ROBO2: variants seen among roughly 807,000 people sequenced by gnomAD.
ROBO2 encodes the protein roundabout guidance receptor 2, also known as roundabout homolog 2.
In ROBO2, 53 loss-of-function variants were observed where a neutral mutation model predicts 160.8. The observed-to-expected ratio is 0.33, with a 90% CI of 0.26 to 0.41. The LOEUF (loss-of-function observed/expected upper bound fraction) is 0.41. Among genes scored for constraint, ROBO2 ranks in the 10% least tolerant of loss-of-function variants. ROBO2 has a pLI of 1.00. For synonymous variants in ROBO2, 664 were observed against 611.7 expected (o/e 1.09, Z -1.26); for missense variants, 1,577 against 1,722.4 (o/e 0.92, Z 1.49).
intron 2 of ROBO2, among the ~76,000 whole-genome samples, chr3:76,929,457 G>T (rs1047394806): frequency 2.0e-5 from 3 of 152,074 alleles, no homozygotes; most frequent in Admixed American, 6.6e-5. Flanking sequence ...AGTATATCCA[G>T]ACTGCAACAC....
At chr3:77,545,739 C>T (rs2092673192) in intron 6 of ROBO2, among the ~76,000 whole-genome samples, 1 of 152,034 alleles carries the variant, frequency 6.6e-6, no homozygotes, top group Admixed American at 6.6e-5. Context: ...ATTGAGTCAA[C>T]CATTTCAATA....
At position 77,190,281 on chromosome 3, in the gene ROBO2, G is replaced by C. The variant is rs568095555; in HGVS notation, c.388+91941G>C. On this transcript the variant is annotated intron_variant, in intron 2 of 25. Coordinates refer to ENST00000461745, the Ensembl canonical transcript of ROBO2. The stretch of plus-strand genomic sequence containing the variant: ...ATCTCAAAGTTACTAGAAAATTCTA[G>C]CTGTGCTCAGAAAAAGTCTTGTTTT... Among the ~76,000 whole-genome samples the C allele has an allele frequency of 4.6e-5, 7 of 152,020 alleles. No homozygotes were observed. The East Asian group carries it at 1.4e-3, about 29-fold the overall frequency.
At chr3:76,295,952 A>G (rs1254191898) in intron 2 of ROBO2, among the ~76,000 whole-genome samples, 7 of 152,200 alleles carry the variant, frequency 4.6e-5, no homozygotes, top group Admixed American at 1.3e-4. Flanking sequence ...CACATAGTCA[A>G]TAAGTTATTT....
chr3:77,298,697 T>G (rs977993533), intron 2 of ROBO2, among the ~76,000 whole-genome samples: 1 of 152,150 alleles, frequency 6.6e-6, no homozygotes, highest in Non-Finnish European at 1.5e-5. Context: ...CAGAAAACTT[T>G]GGTTGGGCTT....
At chr3:76,693,282 A>T (rs1249919719) in intron 2 of ROBO2, among the ~76,000 whole-genome samples, 2 of 149,790 alleles carry the variant, frequency 1.3e-5, no homozygotes, top group African/African-American at 2.5e-5. Flanking sequence ...CTCTATATAT[A>T]GTGTGTATCT....
intron 2 of ROBO2, among the ~76,000 whole-genome samples, chr3:76,379,704 T>C (rs973181441): frequency 6.6e-6 from 1 of 152,208 alleles, no homozygotes; most frequent in Admixed American, 6.5e-5. Context: ...GTGAACTTTA[T>C]GACAAAACTT....
At chr3:76,961,627 G>A (rs1250709483) in intron 2 of ROBO2, among the ~76,000 whole-genome samples, 1 of 152,116 alleles carries the variant, frequency 6.6e-6, no homozygotes, top group Admixed American at 6.5e-5. Context: ...GCTTCACCAC[G>A]TTCTAGTTAC....
chr3:76,095,466 A>G (rs188918356), intron 2 of ROBO2, among the ~76,000 whole-genome samples: 17 of 152,284 alleles, frequency 1.1e-4, no homozygotes, highest in Non-Finnish European at 1.9e-4. Context: ...ACCAAATAAG[A>G]CAAGCATAGG....
intron 2 of ROBO2, among the ~76,000 whole-genome samples, chr3:76,217,098 T>C (rs1703592155): frequency 6.6e-6 from 1 of 152,146 alleles, no homozygotes; most frequent in Non-Finnish European, 1.5e-5. Flanking sequence ...AATAAAGGTG[T>C]TCTTTGAAAC....
rs73119851 is a variant in ROBO2 at position 76,534,938 on chromosome 3, G to C, written c.110-563076G>C. On this transcript the variant is annotated intron_variant, in intron 2 of 26. Coordinates refer to the ROBO2 transcript ENST00000487694. The stretch of plus-strand genomic sequence containing the variant: ...GAAGGTCATCAACATATTGAGTAAG[G>C]TGGGAGGCAGATGGGCAGAAAGAAA... 1.7e-3 allele frequency among the ~76,000 whole-genome samples: 265 copies of C among 152,098 alleles called. 1 individual carries two copies. Among genetic ancestry groups the C allele is most frequent in the African/African-American group, 6.2e-3 (256 of 41,454 alleles).
rs143591202 is a variant in ROBO2, at chr3:76,573,348, A to G, written c.110-524666A>G. ...TCTCAAAGTGCCCTTTTGAAGTTCA[A>G]TCAGAGCATTATCAAACTAACCCAT... On this transcript the variant is annotated intron_variant, in intron 2 of 26. Coordinates refer to the ROBO2 transcript ENST00000487694. Among the ~76,000 whole-genome samples, 39 of 152,192 alleles carry G rather than the reference A, an allele frequency of 2.6e-4. No homozygotes were observed. In the East Asian group the frequency reaches 6.4e-3, roughly 25 times the overall value.
intron 2 of ROBO2, among the ~76,000 whole-genome samples, chr3:76,782,014 T>C (rs2062676029): frequency 6.6e-6 from 1 of 150,740 alleles, no homozygotes; most frequent in African/African-American, 2.4e-5. Context: ...CTTGGGAGGT[T>C]TTTGATTACG....
chr3:76,051,643 T>C (rs1221015320), intron 2 of ROBO2, among the ~76,000 whole-genome samples: 2 of 152,084 alleles, frequency 1.3e-5, no homozygotes, highest in East Asian at 3.9e-4. Context: ...ACATATTTGC[T>C]ACCACTCTAC....
At chr3:76,038,151 G>T (rs1353334254) in intron 2 of ROBO2, among the ~76,000 whole-genome samples, 1 of 151,926 alleles carries the variant, frequency 6.6e-6, no homozygotes, top group Non-Finnish European at 1.5e-5. Context: ...AGGAAGTAGG[G>T]GAAGATCATG....
chr3:76,052,489 A>ATT (rs140901749), intron 2 of ROBO2, among the ~76,000 whole-genome samples: 5 of 150,204 alleles, frequency 3.3e-5, no homozygotes, highest in African/African-American at 4.9e-5. Flanking sequence ...TGTCCTTGAG[A>ATT]TTTTTTTTTT....
At chr3:76,835,140 G>A (rs2067569452) in intron 2 of ROBO2, among the ~76,000 whole-genome samples, 1 of 151,786 alleles carries the variant, frequency 6.6e-6, no homozygotes, top group South Asian at 2.1e-4. Flanking sequence ...TCCCTTGCTA[G>A]TAAACTGTTC....
intron 2 of ROBO2, among the ~76,000 whole-genome samples, chr3:76,722,294 G>A (rs900909854): frequency 6.6e-6 from 1 of 152,080 alleles, no homozygotes; most frequent in Non-Finnish European, 1.5e-5. Context: ...GCTAATTTTT[G>A]TATTTTTAGT....
intron 2 of ROBO2, among the ~76,000 whole-genome samples, chr3:76,806,868 A>G (rs2064765117): frequency 6.6e-6 from 1 of 151,972 alleles, no homozygotes; most frequent in African/African-American, 2.4e-5. Context: ...CACTTCCTTT[A>G]TTGTCTTAGT....
intron 2 of ROBO2, among the ~76,000 whole-genome samples, chr3:77,136,782 G>A (rs937033197): frequency 2.0e-5 from 3 of 151,410 alleles, no homozygotes; most frequent in Non-Finnish European, 4.4e-5. Context: ...GACTACAGGT[G>A]CATGCCACCA....
Sources: gnomAD v4.1 joint callset for allele counts (sites outside exome capture counted in the v4.1 genomes callset) on GRCh38, gnomAD v4.1.1 for gene constraint, MANE v1.5 for transcripts, NCBI Gene and HGNC (gene_info 2026-07-23, HGNC 2026-07-21) for gene names.